ATXN7L1: variants seen among roughly 807,000 people sequenced by gnomAD.
ATXN7L1 encodes ataxin 7 like 1.
Under a neutral mutation model 70.8 loss-of-function variants are expected in ATXN7L1, and 15 were observed. The ratio of observed to expected loss-of-function variants is 0.21; its 90% confidence interval spans 0.14 to 0.33. ATXN7L1 has a LOEUF of 0.33. Ranked by LOEUF, ATXN7L1 falls within the 10% of genes least tolerant of loss-of-function variation. The pLI is 1.00. For synonymous variants in ATXN7L1, 440 were observed against 445.1 expected, an observed-to-expected ratio of 0.99 and a Z score of 0.14; for missense variants, 975 against 1,097.1, an observed-to-expected ratio of 0.89 and a Z score of 1.57.
chr7:105,759,516 G>A (rs1800282484), intron 3 of ATXN7L1, among the ~76,000 whole-genome samples: 1 of 150,802 alleles, frequency 6.6e-6, no homozygotes, highest in Non-Finnish European at 1.5e-5. Flanking sequence ...TATCCCAGGT[G>A]GATGCTGGGA....
At chr7:105,621,451 C>A (rs2115793706) in intron 8 of ATXN7L1, among the ~76,000 whole-genome samples, 1 of 152,292 alleles carries the variant, frequency 6.6e-6, no homozygotes, top group African/African-American at 2.4e-5. Flanking sequence ...ACAGGGGAGC[C>A]CATCCTCTTC....
intron 3 of ATXN7L1, among the ~76,000 whole-genome samples, chr7:105,695,291 T>A (rs926324334): frequency 6.6e-6 from 1 of 152,116 alleles, no homozygotes; most frequent in Non-Finnish European, 1.5e-5. Flanking sequence ...CGTCTCAAAA[T>A]AAATAAACAT....
intron 2 of ATXN7L1, among the ~76,000 whole-genome samples, chr7:105,812,526 A>T (rs749299649): frequency 1.3e-5 from 2 of 152,198 alleles, no homozygotes; most frequent in African/African-American, 4.8e-5. Flanking sequence ...TTTACTGAGC[A>T]TATCATCAAT....
chr7:105,822,967 T>C (rs1268406932), intron 2 of ATXN7L1, among the ~76,000 whole-genome samples: 2 of 152,236 alleles, frequency 1.3e-5, no homozygotes, highest in East Asian at 3.8e-4. Context: ...ATACACATAC[T>C]CTTGGGTTCC....
intron 6 of ATXN7L1, 110 bp from the exon 7 acceptor site, chr7:105,638,719 A>G (rs1562935616): frequency 7.3e-7 from 1 of 1,369,784 alleles, no homozygotes; most frequent in Non-Finnish European, 9.7e-7. Flanking sequence ...GAGGTGCTTG[A>G]AAAGTCAACT....
chr7:105,650,300 G>A (rs1244700707), intron 4 of ATXN7L1, among the ~76,000 whole-genome samples: 8 of 152,154 alleles, frequency 5.3e-5, no homozygotes. Flanking sequence ...GGTGTGTCTG[G>A]AAAAATATTG....
chr7:105,638,172 T>C (rs142922391), intron 7 of ATXN7L1, among the ~76,000 whole-genome samples, 181 bp downstream of exon 7: 258 of 152,380 alleles, frequency 1.7e-3, no homozygotes, highest in African/African-American at 5.8e-3. Context: ...TTGAACACTA[T>C]GTGGCAAGCA....
intron 7 of ATXN7L1, among the ~76,000 whole-genome samples, chr7:105,632,801 G>A (rs1796785774): frequency 6.6e-6 from 1 of 151,774 alleles, no homozygotes; most frequent in Admixed American, 6.6e-5. Context: ...TGCACCTGTA[G>A]TCCCAGGTAC....
chr7:105,819,956 TGAAGGAGAAGAG>T (rs1262174199), intron 2 of ATXN7L1: 2 of 486,484 alleles, frequency 4.1e-6, no homozygotes, highest in East Asian at 1.1e-4. Flanking sequence ...GCATCTACCC[TGAAGGAGAAGAG>T]GAAGGAGAAA....
At chr7:105,827,936 A>T (rs1811101813) in intron 2 of ATXN7L1, among the ~76,000 whole-genome samples, 1 of 152,220 alleles carries the variant, frequency 6.6e-6, no homozygotes, top group Non-Finnish European at 1.5e-5. Context: ...TAAAGTGCAT[A>T]ATAAATAGTC....
At chr7:105,672,118 T>C (rs1403070630) in intron 3 of ATXN7L1, among the ~76,000 whole-genome samples, 1 of 151,940 alleles carries the variant, frequency 6.6e-6, no homozygotes, top group Non-Finnish European at 1.5e-5. Context: ...AAACCCGGTC[T>C]CTACTAAAAA....
intron 7 of ATXN7L1, among the ~76,000 whole-genome samples, chr7:105,636,845 G>A (rs1291547064): frequency 6.6e-6 from 1 of 152,188 alleles, no homozygotes; most frequent in Non-Finnish European, 1.5e-5. Context: ...TCAGGTGGAG[G>A]CAAGTCTACT....
chr7:105,814,909 T>C (rs1178198033), intron 2 of ATXN7L1, among the ~76,000 whole-genome samples: 1 of 152,206 alleles, frequency 6.6e-6, no homozygotes, highest in African/African-American at 2.4e-5. Flanking sequence ...TCACAGAAAT[T>C]GCCAGTCTAG....
At chr7:105,780,556 T>C (rs1803377933) in intron 3 of ATXN7L1, among the ~76,000 whole-genome samples, 1 of 152,006 alleles carries the variant, frequency 6.6e-6, no homozygotes, top group African/African-American at 2.4e-5. Context: ...CTAAACCATT[T>C]TTTTTTTTTT....
intron 4 of ATXN7L1, among the ~76,000 whole-genome samples, chr7:105,653,037 AG>A (rs1485904851): frequency 2.0e-5 from 3 of 152,144 alleles, no homozygotes; most frequent in Non-Finnish European, 4.4e-5. Context: ...TAAACCCTCA[AG>A]GGTTTATTCT....
At chr7:105,861,704 C>T (rs1816671489) in intron 2 of ATXN7L1, among the ~76,000 whole-genome samples, 3 of 152,034 alleles carry the variant, frequency 2.0e-5, no homozygotes, top group Admixed American at 6.6e-5. Flanking sequence ...AGCCAGGGTC[C>T]GGAGCAAATG....
chr7:105,718,826 GA>G (rs1463613597), intron 3 of ATXN7L1, among the ~76,000 whole-genome samples: 1 of 152,226 alleles, frequency 6.6e-6, no homozygotes, highest in Non-Finnish European at 1.5e-5. Flanking sequence ...AGGAAGTTCA[GA>G]AAAAAGCAGA....
At position 105,849,389 on chromosome 7, in the gene ATXN7L1, C is replaced by A. The variant is rs950295297; in HGVS notation, c.250+26423G>T. Among the ~76,000 whole-genome samples, 3 of 152,208 alleles carry A rather than the reference C, an allele frequency of 2.0e-5. No individual in the cohort carries two copies. In the East Asian group the frequency reaches 5.8e-4, roughly 29 times the overall value. On this transcript the variant is annotated intron_variant, in intron 2 of 11. Coordinates refer to ENST00000419735, the MANE Select transcript of ATXN7L1 (RefSeq NM_020725.2). The stretch of plus-strand genomic sequence containing the variant: ...GACAGACCTGAGATGCGCAGGAATT[C>A]TTAAGGGCAAGAGGGTCAAGCCTGG...
At chr7:105,785,176 G>A (rs888807437) in intron 3 of ATXN7L1, among the ~76,000 whole-genome samples, 2 of 152,198 alleles carry the variant, frequency 1.3e-5, no homozygotes, top group African/African-American at 4.8e-5. Context: ...CATGCTCAAA[G>A]CGATGGAGGC....
Sources: allele counts gnomAD v4.1 joint callset (sites outside exome capture counted in the v4.1 genomes callset), GRCh38; gene constraint gnomAD v4.1.1; transcripts MANE v1.5; gene names NCBI Gene and HGNC (gene_info 2026-07-23, HGNC 2026-07-21).